Variants in SLC25A53 observed in about 807,000 individuals in gnomAD.
SLC25A53 encodes solute carrier family 25 member 53, also known as mitochondrial carrier triple repeat protein 6.
In SLC25A53, 5 loss-of-function variants were observed where a neutral mutation model predicts 15.0. The ratio of observed to expected loss-of-function variants is 0.33; its 90% CI spans 0.17 to 0.70. SLC25A53 has a LOEUF of 0.70. SLC25A53 is among the 30% of genes least tolerant of loss of function. The pLI, the probability that SLC25A53 is intolerant of heterozygous loss-of-function variation, is 0.67. For missense variants in SLC25A53, 216 were observed against 241.6 expected (o/e 0.89, Z 0.70); for synonymous variants, 95 against 100.0 (o/e 0.95, Z 0.30).
intron 1 of SLC25A53, among the ~76,000 whole-genome samples, chrX:104,155,343 A>G (rs1240113396): frequency 1.8e-5 from 2 of 110,596 alleles, no homozygotes; most frequent in Non-Finnish European, 3.8e-5. Context: ...CATGTCCAGG[A>G]GTATCAGCAT....
chrX:104,127,818 G>A (rs1773684105), intron 1 of SLC25A53, among the ~76,000 whole-genome samples: 1 of 111,211 alleles, frequency 9.0e-6, no homozygotes, highest in South Asian at 3.8e-4. Flanking sequence ...ACAAAAATTA[G>A]CTTGGCATGG....
At chrX:104,148,985 A>G (rs1256125703) in intron 1 of SLC25A53, among the ~76,000 whole-genome samples, 1 of 112,497 alleles carries the variant, frequency 8.9e-6, no homozygotes, top group Non-Finnish European at 1.9e-5. Context: ...TCTTATTTTA[A>G]AAGGAGGCAC....
Position 104,128,777 on chromosome X carries a change from TACAC to T in SLC25A53, c.-31-23493_-31-23490del, listed in dbSNP as rs781789903. Among the ~76,000 whole-genome samples the T allele has an allele frequency of 7.7e-3, 821 of 106,589 alleles. 9 individuals are homozygous for T. Among genetic ancestry groups the T allele is most frequent in the African/African-American group, 0.026 (769 of 29,409 alleles). 92.6% of individuals were successfully genotyped at this position (106,589 alleles called of 115,157 possible). On this transcript the variant is annotated intron_variant, in intron 1 of 1. Coordinates refer to ENST00000594199, the MANE Select transcript of SLC25A53 (RefSeq NM_001012755.5). ...ATAAACAGACACAGACACACACACG[TACAC>T]ACACACACACACACACCCATGTATG... is the stretch of plus-strand genomic sequence containing the variant.
At chrX:104,130,606 G>A (rs1377610271) in intron 1 of SLC25A53, 2 of 111,233 alleles carry the variant, frequency 1.8e-5, no homozygotes, top group African/African-American at 6.5e-5. Context: ...ATCCTTGTAA[G>A]CAAGATCAGT....
Position 104,102,123 on chromosome X carries a change from T to G in SLC25A53, c.*2211A>C, listed in dbSNP as rs1264139315. The G allele has an allele frequency of 2.7e-5, 3 of 112,204 alleles. No individual in the cohort carries two copies. The highest frequency in any genetic ancestry group is 5.6e-5 in the Non-Finnish European group (3 of 53,268). 9.2% of individuals were successfully genotyped at this position (112,204 alleles called of 1,213,427 possible). ...CTGGACCAGCCATTTTCTGCCAACC[T>G]TGGTGGCAAATGCTCTCTGACATCA... On this transcript the variant is annotated 3_prime_UTR_variant, in exon 2 of 2. Transcript: ENST00000594199.
intron 1 of SLC25A53, among the ~76,000 whole-genome samples, chrX:104,127,814 A>G (rs2075415064): frequency 9.0e-6 from 1 of 111,163 alleles, no homozygotes; most frequent in South Asian, 3.8e-4. Context: ...AAATACAAAA[A>G]TTAGCTTGGC....
At chrX:104,147,028 C>T (rs1469340412) in intron 1 of SLC25A53, among the ~76,000 whole-genome samples, 12 of 111,975 alleles carry the variant, frequency 1.1e-4, no homozygotes, top group African/African-American at 3.9e-4. Context: ...AAGCTGGAGG[C>T]ATCACACTAC....
chrX:104,139,714 T>A (rs1448368860), intron 1 of SLC25A53, among the ~76,000 whole-genome samples: 1 of 111,739 alleles, frequency 8.9e-6, no homozygotes, highest in Non-Finnish European at 1.9e-5. Context: ...CTAGGGAGAC[T>A]GAGGCAGGAG....
intron 1 of SLC25A53, among the ~76,000 whole-genome samples, chrX:104,136,575 C>G (rs1556366506): frequency 8.9e-6 from 1 of 112,080 alleles, no homozygotes; most frequent in East Asian, 2.8e-4. Flanking sequence ...TCCTTTCCTC[C>G]GCTACTTGAA....
chrX:104,121,502 C>A (rs927416666), intron 1 of SLC25A53, among the ~76,000 whole-genome samples: 1 of 110,931 alleles, frequency 9.0e-6, no homozygotes, highest in Non-Finnish European at 1.9e-5. Context: ...AGAGAGGTGG[C>A]CTGTGGCACA....
Position 104,104,758 on chromosome X carries a change from C to A in SLC25A53, c.500G>T (p.Trp167Leu). The change falls in exon 2 of 2, where the codon TGG (tryptophan) becomes TTG (leucine). Residue 167 changes from tryptophan (W) to leucine (L), a missense_variant. Trp to Leu is a moderately conservative substitution (Grantham distance 61). Transcript: ENST00000594199. ...ATAGTAGCCCAGTGACAGCCGCCCC[C>A]AAAGCCCATAAGAATTGAATTCCTT... is the stretch of plus-strand genomic sequence containing the variant. Reference protein sequence around the residue: ...ILKEFNSYGLWGRLSLGYYRG... With the variant: ...ILKEFNSYGLLGRLSLGYYRG... 1 of 1,211,656 alleles carries A rather than the reference C, an allele frequency of 8.3e-7. No homozygotes were observed. Among genetic ancestry groups the A allele is most frequent in the Non-Finnish European group, 1.1e-6 (1 of 895,520 alleles).
chrX:104,101,841 G>A lies in SLC25A53; in HGVS notation c.*2493C>T, dbSNP rs111512574. 8.9e-6 allele frequency: 1 copy of A among 111,833 alleles called. No homozygotes were observed. The highest frequency in any genetic ancestry group is 3.3e-5 in the African/African-American group (1 of 30,750). The allele number at this position is 111,833 out of a possible 1,213,427, so 9.2% of individuals were successfully genotyped here. On this transcript the variant is annotated 3_prime_UTR_variant, in exon 2 of 2. Coordinates refer to ENST00000594199, the MANE Select transcript of SLC25A53 (RefSeq NM_001012755.5). ...AGGGGAATTAGGGTAAAGGGGACAT[G>A]GGTGTTCTTTAAGCTTTATTTATGC...
chrX:104,113,531 G>A (rs1315969990), intron 1 of SLC25A53: 3 of 112,372 alleles, frequency 2.7e-5, no homozygotes, highest in Non-Finnish European at 5.6e-5. Context: ...CTGTTGCAGA[G>A]GCTGCACGTA....
Position 104,104,704 on chromosome X carries a change from T to C in SLC25A53, c.554A>G (p.Asn185Ser). 8.3e-7 allele frequency: 1 copy of C among 1,211,523 alleles called. No homozygotes were observed. The highest frequency in any genetic ancestry group is 1.1e-6 in the Non-Finnish European group (1 of 895,429). ...AAAATATAGAGCACTCCCCAGGCTG[T>C]TCCTGGCCAGGACAGGCCAGAAACC... ...YRGFWPVLARNSLGSALYFSF... is the reference protein window; with the variant it reads ...YRGFWPVLARSSLGSALYFSF... The change falls in exon 2 of 2, where the codon AAC (asparagine) becomes AGC (serine). Residue 185 changes from asparagine (N) to serine (S), a missense_variant. Physicochemically the swap from Asn to Ser is conservative, Grantham distance 46. Coordinates refer to ENST00000594199, the MANE Select transcript of SLC25A53 (RefSeq NM_001012755.5).
At chrX:104,126,471 T>C (rs782807231) in intron 1 of SLC25A53, among the ~76,000 whole-genome samples, 8 of 110,692 alleles carry the variant, frequency 7.2e-5, no homozygotes, top group South Asian at 3.8e-4. Context: ...CTGGGCAACA[T>C]AGTGAGACCC....
intron 1 of SLC25A53, among the ~76,000 whole-genome samples, chrX:104,156,501 AC>A (rs1268351242): frequency 9.0e-6 from 1 of 111,050 alleles, no homozygotes; most frequent in East Asian, 2.8e-4. Flanking sequence ...GAAACCAGGG[AC>A]CTAGATCTTT....
At chrX:104,123,196 C>G (rs1556363293) in intron 1 of SLC25A53, among the ~76,000 whole-genome samples, 1 of 112,584 alleles carries the variant, frequency 8.9e-6, no homozygotes, top group African/African-American at 3.2e-5. Flanking sequence ...TCATTAAAGT[C>G]AGTAGACTTC....
intron 1 of SLC25A53, among the ~76,000 whole-genome samples, chrX:104,144,970 A>G (rs1488586282): frequency 8.9e-6 from 1 of 112,082 alleles, no homozygotes; most frequent in Non-Finnish European, 1.9e-5. Flanking sequence ...GCTAACAGAC[A>G]TCTACAGAAC....
chrX:104,142,813 C>T (rs782804297), intron 1 of SLC25A53, among the ~76,000 whole-genome samples: 6 of 106,422 alleles, frequency 5.6e-5, no homozygotes, highest in African/African-American at 1.7e-4. Context: ...CCCAGCTACT[C>T]GGGAGGCTGA....
Sources: gnomAD v4.1 joint callset for allele counts (sites outside exome capture counted in the v4.1 genomes callset) on GRCh38, gnomAD v4.1.1 for gene constraint, MANE v1.5 for transcripts, NCBI Gene and HGNC (gene_info 2026-07-23, HGNC 2026-07-21) for gene names.